Variants in PNMA6F observed in about 807,000 individuals in gnomAD.
PNMA6F encodes the protein paraneoplastic antigen Ma6F.
For missense variants in PNMA6F, 57 were observed against 10.8 expected (o/e 5.25, Z -5.98); for synonymous variants, 14 against 3.4 (o/e 4.15, Z -3.45).
chrX:153,318,705 G>T lies in PNMA6F; in HGVS notation c.*233C>A, dbSNP rs888396362. ...CCCAACACAGGACAAGGGGTGGGGG[G>T]CAGACATCTTCAGGCTGGCCGCTCA... On this transcript the variant is annotated 3_prime_UTR_variant, in exon 2 of 2. Coordinates refer to ENST00000436629, the MANE Select transcript of PNMA6F (RefSeq NM_001354980.2). The T allele has an allele frequency of 7.3e-6, 2 of 272,137 alleles. No homozygotes were observed. Among genetic ancestry groups the T allele is most frequent in the Non-Finnish European group, 1.3e-5 (2 of 154,625 alleles). The allele number at this position is 272,137 out of a possible 1,213,427, so 22.4% of individuals were successfully genotyped here. A position where few individuals can be genotyped will look rare whatever the true frequency, so the allele number is the denominator to read the frequency against.
chrX:153,319,818 G>A lies in PNMA6F; in HGVS notation c.857C>T (p.Ala286Val), dbSNP rs1463464554. ...AKDMLQLWCH[A>V]SERERRRRLL... ...CCGCCTCCTTCTCTCCCTTTCCGAC[G>A]CGTGGCACCACAGCTGCAGCATATC... is the stretch of plus-strand genomic sequence containing the variant. Residue 286 changes from alanine (A) to valine (V), a missense_variant, in exon 2 of 2, where the codon GCG (alanine) becomes GTG (valine). By Grantham distance (64) the Ala-to-Val change is moderately conservative. Transcript: ENST00000436629. The A allele has an allele frequency of 3.3e-6, 1 of 300,835 alleles. No individual in the cohort carries two copies. Among genetic ancestry groups the A allele is most frequent in the Non-Finnish European group, 5.8e-6 (1 of 172,554 alleles). The allele number at this position is 300,835 out of a possible 1,213,427, so 24.8% of individuals were successfully genotyped here.
intron 1 of PNMA6F, 54 bp downstream of exon 1, chrX:153,321,498 G>T (rs2088369138): frequency 9.8e-6 from 1 of 101,858 alleles, no homozygotes; most frequent in African/African-American, 3.6e-5. Context: ...CAGCGATCTG[G>T]CACCTGCCCA....
chrX:153,321,392 C>A (rs1451280679), intron 1 of PNMA6F, 160 bp downstream of exon 1: 1 of 66,272 alleles, frequency 1.5e-5, no homozygotes, highest in Non-Finnish European at 2.9e-5. Context: ...ACCCCCCACC[C>A]CCGCCCCACC....
chrX:153,318,437 C>T lies in PNMA6F; in HGVS notation c.*501G>A. ...GCTAGCAGGAAGCTCACAGCATGTG[C>T]CCCAGGCCCAGAGGCAGCCGCACCG... On this transcript the variant is annotated 3_prime_UTR_variant, in exon 2 of 2. Transcript: ENST00000436629. 8.4e-6 allele frequency: 1 copy of T among 118,901 alleles called. No individual in the cohort carries two copies. The allele number at this position is 118,901 out of a possible 1,213,427, so 9.8% of individuals were successfully genotyped here.
In PNMA6F at chrX:153,318,585, G is replaced by C. The variant is rs782067242; in HGVS notation, c.*353C>G. On this transcript the variant is annotated 3_prime_UTR_variant, in exon 2 of 2. Coordinates refer to ENST00000436629, the MANE Select transcript of PNMA6F (RefSeq NM_001354980.2). ...GAGGTGAGGGTGGGCTTCCCGGAAC[G>C]GGGGGCAGTCTGCCCCAGGGATGGC... 6.7e-6 allele frequency: 1 copy of C among 148,284 alleles called. No homozygotes were observed. The highest frequency in any genetic ancestry group is 1.3e-5 in the Non-Finnish European group (1 of 76,506). 12.2% of individuals were successfully genotyped at this position (148,284 alleles called of 1,213,427 possible).
chrX:153,319,060 C>T lies in PNMA6F; in HGVS notation c.1615G>A (p.Gly539Arg). ...GGAGGCTCCTCAGCCTCCTGGCCTC[C>T]AACCTGGACAAGGCCCTCTGGCTCC... ...SWEPEGLVQV[G>R]GQEAEEPPQE... The change falls in exon 2 of 2, where the codon GGA (glycine) becomes AGA (arginine). Residue 539 changes from glycine to arginine, a missense_variant. By Grantham distance (125) the Gly-to-Arg change is moderately radical (BLOSUM62 -2). Coordinates refer to ENST00000436629, the MANE Select transcript of PNMA6F (RefSeq NM_001354980.2). The T allele has an allele frequency of 3.2e-6, 1 of 310,518 alleles. No homozygotes were observed. The highest frequency in any genetic ancestry group is 4.7e-5 in the East Asian group (1 of 21,354). 25.6% of individuals were successfully genotyped at this position (310,518 alleles called of 1,213,427 possible).
rs926751118 is a variant in PNMA6F, at chrX:153,318,947, C to T, written c.1728G>A (p.Pro576=). 5 of 299,151 alleles carry T rather than the reference C, an allele frequency of 1.7e-5. No individual in the cohort carries two copies. Among genetic ancestry groups the T allele is most frequent in the African/African-American group, 5.4e-5 (2 of 36,941 alleles). 24.7% of individuals were successfully genotyped at this position (299,151 alleles called of 1,213,427 possible). ...AGEAGKPKSP[P]GK ...TCAGGGCCCTCAGAGCCTATTTGCC[C>T]GGGGGGGACTTGGGCTTGCCCGCCT... Residue 576 remains proline (P), a synonymous_variant, in exon 2 of 2, where the codon CCG becomes CCA. Coordinates refer to ENST00000436629, the MANE Select transcript of PNMA6F (RefSeq NM_001354980.2).
In PNMA6F at chrX:153,321,095, A is replaced by G. The variant is rs782421875; in HGVS notation, c.-83-338T>C. The G allele has an allele frequency of 7.6e-4, 78 of 102,193 alleles. No individual in the cohort carries two copies. In the South Asian group the frequency reaches 0.035, roughly 45 times the overall value. 8.4% of individuals were successfully genotyped at this position (102,193 alleles called of 1,213,427 possible). A position where few individuals can be genotyped will look rare whatever the true frequency, so the allele number is the denominator to read the frequency against. ...GCAACAGGTAGCTCTTCCCCCACCC[A>G]GAATCCCTGCGGCCAGTAGTCTTCC... On this transcript the variant is annotated intron_variant, in intron 1 of 1. Transcript: ENST00000436629.
Position 153,319,100 on chromosome X carries a change from TG to T in PNMA6F, c.1574del (p.Pro525GlnfsTer31). The stretch of plus-strand genomic sequence containing the variant: ...CCTCTGGCTCCCAGCTGGGACCTCC[TG>T]GGGCCATGTCGACTGCACTGCCCAT... ...ARMGSAVDMA[P>X]GGPSWEPEGL... On this transcript the variant is annotated frameshift_variant, in exon 2 of 2. Transcript: ENST00000436629. LOFTEE classifies it low-confidence loss of function (END_TRUNC). The T allele has an allele frequency of 3.3e-6, 1 of 302,326 alleles. No homozygotes were observed. The highest frequency in any genetic ancestry group is 5.8e-6 in the Non-Finnish European group (1 of 173,548). The allele number at this position is 302,326 out of a possible 1,213,427, so 24.9% of individuals were successfully genotyped here.
rs2051968536 is a variant in PNMA6F, at chrX:153,318,166, C to T, written c.*772G>A. ...CGGTTCTTCCTCACACAGTCATGGT[C>T]ACCATCATGGTCACGGGCACCATCG... is the stretch of plus-strand genomic sequence containing the variant. On this transcript the variant is annotated 3_prime_UTR_variant, in exon 2 of 2. Coordinates refer to ENST00000436629, the MANE Select transcript of PNMA6F (RefSeq NM_001354980.2). The T allele has an allele frequency of 8.6e-6, 1 of 116,879 alleles. No homozygotes were observed. The highest frequency in any genetic ancestry group is 3.2e-5 in the African/African-American group (1 of 30,834). 9.6% of individuals were successfully genotyped at this position (116,879 alleles called of 1,213,427 possible). A position where few individuals can be genotyped will look rare whatever the true frequency, so the allele number is the denominator to read the frequency against.
chrX:153,319,252 C>T lies in PNMA6F; in HGVS notation c.1423G>A (p.Ala475Thr), dbSNP rs982328930. The T allele has an allele frequency of 1.0e-5, 3 of 297,690 alleles. No individual in the cohort carries two copies. Among genetic ancestry groups the T allele is most frequent in the Non-Finnish European group, 1.8e-5 (3 of 170,417 alleles). The allele number at this position is 297,690 out of a possible 1,213,427, so 24.5% of individuals were successfully genotyped here. A position where few individuals can be genotyped will look rare whatever the true frequency, so the allele number is the denominator to read the frequency against. The change falls in exon 2 of 2, where the codon GCT (alanine) becomes ACT (threonine). Residue 475 changes from alanine to threonine, a missense_variant. By Grantham distance (58) the Ala-to-Thr change is moderately conservative. Coordinates refer to ENST00000436629, the MANE Select transcript of PNMA6F (RefSeq NM_001354980.2). ...DPGAEDADEAASTTKEAARVA... is the reference protein window; with the variant it reads ...DPGAEDADEATSTTKEAARVA... ...CTGGCGGCCTCTTTGGTGGTGGAAG[C>T]AGCCTCATCAGCATCTTCTGCTCCG...
rs1446689997 is a variant in PNMA6F, at chrX:153,317,742, TCA to T, written c.*1194_*1195del. ...ACTGAAACCATTGAAGAGAAGGGAA[TCA>T]CAACACAGAGAGAAACTGCAAATTG... On this transcript the variant is annotated 3_prime_UTR_variant, in exon 2 of 2. Coordinates refer to ENST00000436629, the MANE Select transcript of PNMA6F (RefSeq NM_001354980.2). The T allele has an allele frequency of 1.6e-5, 2 of 123,423 alleles. No homozygotes were observed. Among genetic ancestry groups the T allele is most frequent in the African/African-American group, 6.5e-5 (2 of 30,812 alleles). 10.2% of individuals were successfully genotyped at this position (123,423 alleles called of 1,213,427 possible).
chrX:153,318,696 G>C lies in PNMA6F; in HGVS notation c.*242C>G, dbSNP rs2051973413. 1 of 265,900 alleles carries C rather than the reference G, an allele frequency of 3.8e-6. No homozygotes were observed. The highest frequency in any genetic ancestry group is 6.5e-5 in the Admixed American group (1 of 15,416). 21.9% of individuals were successfully genotyped at this position (265,900 alleles called of 1,213,427 possible). ...CCCATCTCTCCCAACACAGGACAAGGGGTGGGGGGCAGACATCTTCAGGCT... is the reference window on the plus strand; with the variant it reads ...CCCATCTCTCCCAACACAGGACAAGCGGTGGGGGGCAGACATCTTCAGGCT... On this transcript the variant is annotated 3_prime_UTR_variant, in exon 2 of 2. Transcript: ENST00000436629.
At position 153,321,619 on chromosome X, in the gene PNMA6F, T is replaced by C. The variant is rs2088369920; in HGVS notation, c.-151A>G. 9.3e-6 allele frequency: 1 copy of C among 107,261 alleles called. No individual in the cohort carries two copies. Among genetic ancestry groups the C allele is most frequent in the Non-Finnish European group, 1.9e-5 (1 of 51,899 alleles). 8.8% of individuals were successfully genotyped at this position (107,261 alleles called of 1,213,427 possible). On this transcript the variant is annotated 5_prime_UTR_variant, in exon 1 of 2. Transcript: ENST00000436629. ...GCCGCCTTCAAGCTGTGGAGCCCAC[T>C]CTGGAGGCCACCTAGAGGCCCTGGA...
rs1569527470 is a variant in PNMA6F at position 153,320,196 on chromosome X, G to GCTCCTGCCTCACCTACAC, written c.461_478dup (p.Gly154_Gly159dup). The GCTCCTGCCTCACCTACAC allele has an allele frequency of 1.9e-5, 6 of 316,249 alleles. No individual in the cohort carries two copies. The highest frequency in any genetic ancestry group is 3.1e-5 in the African/African-American group (1 of 31,873). The allele number at this position is 316,249 out of a possible 1,213,427, so 26.1% of individuals were successfully genotyped here. ...ACCTGCTGCTCCTGCCTCACCTGCT[G>GCTCCTGCCTCACCTACAC]CTCCTGCCTCACCTACACCTCCTGC... On this transcript the variant is annotated inframe_insertion, in exon 2 of 2. Transcript: ENST00000436629.
At position 153,320,051 on chromosome X, in the gene PNMA6F, G is replaced by GCCTCATCTTCACCTCCTTCCTCACCTGCA; in HGVS notation, c.623_624insTGCAGGTGAGGAAGGAGGTGAAGATGAGG (p.Gly219GlnfsTer17). ...CATCTTCACCTCCTTCCTCACCTGC[G>GCCTCATCTTCACCTCCTTCCTCACCTGCA]CCTCCTGCCTCACCTGCACCTCCTT... On this transcript the variant is annotated frameshift_variant, in exon 2 of 2. Coordinates refer to ENST00000436629, the MANE Select transcript of PNMA6F (RefSeq NM_001354980.2). LOFTEE classifies it low-confidence loss of function (END_TRUNC). 3.1e-6 allele frequency: 1 copy of GCCTCATCTTCACCTCCTTCCTCACCTGCA among 324,415 alleles called. No individual in the cohort carries two copies. The highest frequency in any genetic ancestry group is 9.9e-5 in the South Asian group (1 of 10,124). 26.7% of individuals were successfully genotyped at this position (324,415 alleles called of 1,213,427 possible). A position where few individuals can be genotyped will look rare whatever the true frequency, so the allele number is the denominator to read the frequency against.
rs1479987996 is a variant in PNMA6F, at chrX:153,318,994, C to T, written c.1681G>A (p.Glu561Lys). 2 of 304,050 alleles carry T rather than the reference C, an allele frequency of 6.6e-6. No homozygotes were observed. Among genetic ancestry groups the T allele is most frequent in the Admixed American group, 6.0e-5 (1 of 16,658 alleles). The allele number at this position is 304,050 out of a possible 1,213,427, so 25.1% of individuals were successfully genotyped here. A position where few individuals can be genotyped will look rare whatever the true frequency, so the allele number is the denominator to read the frequency against. The change falls in exon 2 of 2, where the codon GAG (glutamate) becomes AAG (lysine). Residue 561 changes from glutamate to lysine, a missense_variant. Physicochemically the swap from Glu to Lys is moderately conservative, Grantham distance 56. Transcript: ENST00000436629. Reference protein sequence around the residue: ...LKPILEESENEDEDGAGEAGK... With the variant: ...LKPILEESENKDEDGAGEAGK... ...GCCTCCCCAGCCCCATCCTCATCCT[C>T]GTTTTCTGACTCCTCTAAGATGGGC...
At position 153,319,752 on chromosome X, in the gene PNMA6F, C is replaced by T. The variant is rs955529427; in HGVS notation, c.923G>A (p.Ser308Asn). 4 of 298,501 alleles carry T rather than the reference C, an allele frequency of 1.3e-5. No individual in the cohort carries two copies. The highest frequency in any genetic ancestry group is 5.4e-5 in the African/African-American group (2 of 36,757). The allele number at this position is 298,501 out of a possible 1,213,427, so 24.6% of individuals were successfully genotyped here. The change falls in exon 2 of 2, where the codon AGC becomes AAC. Residue 308 changes from serine (S) to asparagine (N), a missense_variant. Coordinates refer to ENST00000436629, the MANE Select transcript of PNMA6F (RefSeq NM_001354980.2). ...GTCTGGATCTTCCTCCAGGAGGCCG[C>T]TCACGATATCCAGGGCCAGGCCATC... ...SLDGLALDIV[S>N]GLLEEDPDFS...
In PNMA6F at chrX:153,319,658, C is replaced by A. The variant is rs1357011499; in HGVS notation, c.1017G>T (p.Ser339=). 11 of 297,030 alleles carry A rather than the reference C, an allele frequency of 3.7e-5. No homozygotes were observed. The highest frequency in any genetic ancestry group is 2.7e-4 in the African/African-American group (10 of 36,752). 24.5% of individuals were successfully genotyped at this position (297,030 alleles called of 1,213,427 possible). The change falls in exon 2 of 2, where the codon TCG becomes TCT. Residue 339 remains serine (S), a synonymous_variant. Transcript: ENST00000436629. ...GCGTGCAGGTCAGGAACTTCATCCG[C>A]GAGGTCATCCATGTATCCCGGCTCC... ...VFRSRDTWMT[S]RMKFLTCTQG...
Sources: gnomAD v4.1 joint callset for allele counts on GRCh38, gnomAD v4.1.1 for gene constraint, MANE v1.5 for transcripts, NCBI Gene and HGNC (gene_info 2026-07-23, HGNC 2026-07-21) for gene names.